The following DDX46 variants were observed in gnomAD, a reference collection of about 807,000 sequenced individuals.
DDX46 encodes the protein probable ATP-dependent RNA helicase DDX46.
DDX46 carries 30 observed loss-of-function variants against 134.9 expected under a neutral mutation model. That is an observed-to-expected ratio of 0.22 (90% CI 0.17 to 0.30). DDX46 has a LOEUF of 0.30. Ranked by LOEUF, DDX46 falls within the 10% of genes least tolerant of loss-of-function variation. DDX46 has a pLI of 1.00. For synonymous variants in DDX46, 415 were observed against 404.1 expected (o/e 1.03, Z -0.32); for missense variants, 622 against 1,248.7 (o/e 0.50, Z 7.56).
chr5:134,825,273 C>T (rs532377915), intron 21 of DDX46, among the ~76,000 whole-genome samples: 11 of 152,272 alleles, frequency 7.2e-5, no homozygotes, highest in East Asian at 1.9e-4. Flanking sequence ...AGTTTGACTT[C>T]GGTCTTGATT....
intron 21 of DDX46, 38 bp downstream of exon 21, chr5:134,819,042 A>G (rs1278735305): frequency 6.2e-7 from 1 of 1,604,260 alleles, no homozygotes; most frequent in African/African-American, 1.3e-5. Context: ...TTGAATTTAG[A>G]TCAAGGTTGA....
chr5:134,791,755 C>G (rs1183171381), intron 13 of DDX46, among the ~76,000 whole-genome samples: 1 of 152,146 alleles, frequency 6.6e-6, no homozygotes, highest in Non-Finnish European at 1.5e-5. Context: ...AATTTATTGC[C>G]AGTTATATGT....
At chr5:134,811,941 G>T in intron 18 of DDX46, 96 bp downstream of exon 18, 1 of 1,444,950 alleles carries the variant, frequency 6.9e-7, no homozygotes, top group Middle Eastern at 2.3e-4. Flanking sequence ...ACAATCACTG[G>T]AAACCTTTAC....
At chr5:134,763,206 C>T (rs1753450458) in intron 1 of DDX46, among the ~76,000 whole-genome samples, 1 of 152,106 alleles carries the variant, frequency 6.6e-6, no homozygotes, top group Non-Finnish European at 1.5e-5. Context: ...GCACTCTATC[C>T]TGGATAATAG....
chr5:134,785,387 T>G, intron 10 of DDX46, 78 bp from the exon 11 acceptor site: 2 of 1,404,940 alleles, frequency 1.4e-6, no homozygotes, highest in East Asian at 5.2e-5. Context: ...AACTTTATTG[T>G]AAAGGTTAAA....
intron 18 of DDX46, among the ~76,000 whole-genome samples, chr5:134,813,838 TG>T (rs1404237512): frequency 6.6e-6 from 1 of 151,842 alleles, no homozygotes; most frequent in Non-Finnish European, 1.5e-5. Flanking sequence ...TTGCCTAGGT[TG>T]GTCTGAAATT....
At chr5:134,821,080 C>T (rs1384178398) in intron 21 of DDX46, among the ~76,000 whole-genome samples, 1 of 151,082 alleles carries the variant, frequency 6.6e-6, no homozygotes, top group Non-Finnish European at 1.5e-5. Flanking sequence ...CTCTGTTGCC[C>T]AGGCTAGAGT....
Position 134,783,048 on chromosome 5 carries a change from C to G in DDX46, c.1149C>G (p.Ile383Met), listed in dbSNP as rs1754203006. ...SWVQCGISMK[I>M]LNSLKKHGYE... ...TCCAGTGTGGAATTTCCATGAAGATCTTAAATTCCCTCAAGAAGTAAGTGG... is the reference window on the plus strand; with the variant it reads ...TCCAGTGTGGAATTTCCATGAAGATGTTAAATTCCCTCAAGAAGTAAGTGG... Residue 383 changes from isoleucine (I) to methionine (M), a missense_variant, in exon 9 of 23, where the codon ATC becomes ATG. Ile to Met is a conservative substitution (Grantham distance 10). Coordinates refer to ENST00000452510, the MANE Select transcript of DDX46 (RefSeq NM_001300860.2). 2 of 1,613,342 alleles carry G rather than the reference C, an allele frequency of 1.2e-6. No homozygotes were observed. The highest frequency in any genetic ancestry group is 2.2e-5 in the East Asian group (1 of 44,848).
chr5:134,817,264 A>G, intron 19 of DDX46: 1 of 481,934 alleles, frequency 2.1e-6, no homozygotes, highest in Non-Finnish European at 3.6e-6. Context: ...CTAGTAGAAT[A>G]TTTAATAGAG....
intron 15 of DDX46, among the ~76,000 whole-genome samples, chr5:134,803,921 T>C (rs438332): frequency 0.022 from 2,128 of 98,674 alleles, 13 homozygotes; most frequent in East Asian, 0.069. Context: ...GATTCTTCTT[T>C]TTTTTTTTTT....
chr5:134,813,273 A>G (rs1409116256), intron 18 of DDX46, among the ~76,000 whole-genome samples: 9 of 152,194 alleles, frequency 5.9e-5, no homozygotes, highest in Non-Finnish European at 2.9e-5. Context: ...ATCTGTTACC[A>G]TGTAACAAAT....
intron 3 of DDX46, among the ~76,000 whole-genome samples, chr5:134,770,695 T>TGGCA: frequency 6.6e-6 from 1 of 151,902 alleles, no homozygotes; most frequent in African/African-American, 2.4e-5. Flanking sequence ...ACCTGTAATC[T>TGGCA]CAGCTATTCG....
chr5:134,801,330 G>C (rs1460614058), intron 15 of DDX46, among the ~76,000 whole-genome samples: 4 of 152,024 alleles, frequency 2.6e-5, no homozygotes, highest in African/African-American at 9.7e-5. Context: ...TTTGCAGTTG[G>C]CTTTTTTTTA....
chr5:134,761,413 T>C lies in DDX46; in HGVS notation c.17+2458T>C, dbSNP rs139845246. 2.0e-5 allele frequency among the ~76,000 whole-genome samples: 3 copies of C among 152,338 alleles called. No homozygotes were observed. In the East Asian group the frequency reaches 5.8e-4, roughly 29 times the overall value. On this transcript the variant is annotated intron_variant, in intron 1 of 22. Coordinates refer to ENST00000452510, the MANE Select transcript of DDX46 (RefSeq NM_001300860.2). ...TTTGAGCCTAGTGACCGGAAGTTGGTACGATTAATCGTTTGGGGAGGGAAG... is the reference window on the plus strand; with the variant it reads ...TTTGAGCCTAGTGACCGGAAGTTGGCACGATTAATCGTTTGGGGAGGGAAG...
At chr5:134,803,948 A>C (rs1754908511) in intron 15 of DDX46, among the ~76,000 whole-genome samples, 2 of 121,842 alleles carry the variant, frequency 1.6e-5, no homozygotes, top group Admixed American at 9.4e-5. Flanking sequence ...TTTTTGAGAC[A>C]ATTTCTTATT....
intron 21 of DDX46, among the ~76,000 whole-genome samples, chr5:134,821,266 T>C (rs906922421): frequency 5.9e-5 from 9 of 151,828 alleles, no homozygotes; most frequent in African/African-American, 2.2e-4. Flanking sequence ...ATGGTCTCGA[T>C]CTCCTGACCT....
At chr5:134,811,521 T>C (rs150013408) in intron 17 of DDX46, 163 bp downstream of exon 17, 9 of 1,175,646 alleles carry the variant, frequency 7.7e-6, no homozygotes, top group African/African-American at 6.2e-5. Flanking sequence ...TCCTATCTTA[T>C]TCTTGAACTT....
At chr5:134,815,401 A>AT (rs1755258899) in intron 18 of DDX46, among the ~76,000 whole-genome samples, 1 of 151,932 alleles carries the variant, frequency 6.6e-6, no homozygotes, top group African/African-American at 2.4e-5. Flanking sequence ...GGCAAAGGGC[A>AT]TTTTTTAAAA....
At chr5:134,810,118 G>C (rs1008242771) in intron 16 of DDX46, among the ~76,000 whole-genome samples, 2 of 151,608 alleles carry the variant, frequency 1.3e-5, no homozygotes, top group Non-Finnish European at 2.9e-5. Flanking sequence ...TGCCATTTTT[G>C]CCCAGGCTGG....
Sources: allele counts gnomAD v4.1 joint callset (sites outside exome capture counted in the v4.1 genomes callset), GRCh38; gene constraint gnomAD v4.1.1; transcripts MANE v1.5; gene names NCBI Gene and HGNC (gene_info 2026-07-23, HGNC 2026-07-21).